The following ARHGAP10 variants were observed in gnomAD, a reference collection of about 807,000 sequenced individuals.
The protein encoded by ARHGAP10 is rho GTPase-activating protein 10.
ARHGAP10 carries 87 observed loss-of-function variants against 108.6 expected under a neutral mutation model. That is an observed-to-expected ratio of 0.80 (90% CI 0.67 to 0.96). The LOEUF is 0.96. Among genes scored for constraint, ARHGAP10 ranks in the 40% least tolerant of loss-of-function variants. The pLI is 0.00. For synonymous variants in ARHGAP10, 347 were observed against 341.1 expected, an observed-to-expected ratio of 1.02 and a Z score of -0.19; for missense variants, 939 against 954.5, an observed-to-expected ratio of 0.98 and a Z score of 0.21.
intron 18 of ARHGAP10, among the ~76,000 whole-genome samples, chr4:148,016,331 T>C (rs1377494755): frequency 1.3e-5 from 2 of 152,070 alleles, no homozygotes; most frequent in East Asian, 3.9e-4. Context: ...AAACGGACCC[T>C]GTCTCTACAA....
rs188107274 is a variant in ARHGAP10, at chr4:147,885,517, T to C, written c.1034+3585T>C. Among the ~76,000 whole-genome samples, 488 of 152,318 alleles carry C rather than the reference T, an allele frequency of 3.2e-3. 2 individuals carry two copies. Among genetic ancestry groups the C allele is most frequent in the Non-Finnish European group, 5.3e-3 (363 of 68,026 alleles). ...GGGATTATGGGAGCTACAATTCAAG[T>C]TGAGACTTGGGTGGGGACACAGCCA... On this transcript the variant is annotated intron_variant, in intron 10 of 22. Coordinates refer to ENST00000336498, the MANE Select transcript of ARHGAP10 (RefSeq NM_024605.4).
At chr4:147,862,753 A>G (rs889784622) in intron 5 of ARHGAP10, 5 of 152,378 alleles carry the variant, frequency 3.3e-5, no homozygotes, top group African/African-American at 1.2e-4. Context: ...GATAAAATCA[A>G]ATTGATAAAT....
At chr4:147,894,368 G>T (rs1185953785) in intron 10 of ARHGAP10, among the ~76,000 whole-genome samples, 1 of 152,136 alleles carries the variant, frequency 6.6e-6, no homozygotes, top group African/African-American at 2.4e-5. Flanking sequence ...CTGTCATGAA[G>T]TGTCTATTAA....
At chr4:147,850,552 C>T (rs141195119) in intron 4 of ARHGAP10, among the ~76,000 whole-genome samples, 16 of 152,286 alleles carry the variant, frequency 1.1e-4, no homozygotes, top group Admixed American at 5.2e-4. Flanking sequence ...CAAAGGTCTG[C>T]GGCTTCACTC....
At chr4:147,849,860 G>A (rs1733787853) in intron 4 of ARHGAP10, among the ~76,000 whole-genome samples, 1 of 152,166 alleles carries the variant, frequency 6.6e-6, no homozygotes, top group East Asian at 1.9e-4. Context: ...CATTTTATGG[G>A]TTCTGCTGCA....
intron 13 of ARHGAP10, among the ~76,000 whole-genome samples, chr4:147,928,008 T>G (rs1349777033): frequency 6.6e-6 from 1 of 152,194 alleles, no homozygotes; most frequent in Non-Finnish European, 1.5e-5. Context: ...GCAACAAGTC[T>G]AGGGCATCTG....
chr4:147,953,107 C>T (rs192990778), intron 15 of ARHGAP10, among the ~76,000 whole-genome samples: 291 of 151,436 alleles, frequency 1.9e-3, no homozygotes, highest in Non-Finnish European at 3.2e-3. Context: ...GTATTGTATT[C>T]CTGTGATAAA....
chr4:148,019,183 CAG>C (rs1741464841), intron 18 of ARHGAP10, among the ~76,000 whole-genome samples: 1 of 152,128 alleles, frequency 6.6e-6, no homozygotes, highest in African/African-American at 2.4e-5. Context: ...TAACTTGGCT[CAG>C]AGCACTGAAT....
At chr4:147,937,011 T>C (rs1397408215) in intron 13 of ARHGAP10, among the ~76,000 whole-genome samples, 1 of 152,194 alleles carries the variant, frequency 6.6e-6, no homozygotes, top group African/African-American at 2.4e-5. Context: ...CTAGGTTTTG[T>C]ACTCCTTATG....
At chr4:147,972,185 A>G (rs1304644168) in intron 18 of ARHGAP10, among the ~76,000 whole-genome samples, 4 of 152,176 alleles carry the variant, frequency 2.6e-5, no homozygotes, top group African/African-American at 7.2e-5. Context: ...AACGTAAGGT[A>G]TAGTTAAAGA....
chr4:147,779,002 A>G (rs756021720), intron 1 of ARHGAP10, among the ~76,000 whole-genome samples: 26 of 152,178 alleles, frequency 1.7e-4, no homozygotes, highest in Non-Finnish European at 3.1e-4. Context: ...GGGAATAGCG[A>G]ATATGTGTTT....
chr4:147,865,542 A>T (rs935409348), intron 6 of ARHGAP10: 1 of 152,212 alleles, frequency 6.6e-6, no homozygotes, highest in Non-Finnish European at 1.5e-5. Flanking sequence ...ATGAATGTAT[A>T]TATCATAATG....
intron 10 of ARHGAP10, among the ~76,000 whole-genome samples, chr4:147,886,120 A>G (rs1735543391): frequency 1.3e-5 from 2 of 152,350 alleles, no homozygotes; most frequent in Non-Finnish European, 2.9e-5. Context: ...TTTGGTTTCC[A>G]TTCCCAAGAT....
At chr4:147,959,143 T>G (rs553496596) in intron 16 of ARHGAP10, among the ~76,000 whole-genome samples, 30 of 152,278 alleles carry the variant, frequency 2.0e-4, no homozygotes, top group Middle Eastern at 3.4e-3. Flanking sequence ...ATGTTGTAGC[T>G]ACATAGAAAT....
At chr4:147,881,021 C>T (rs1396762958) in intron 9 of ARHGAP10, among the ~76,000 whole-genome samples, 1 of 152,178 alleles carries the variant, frequency 6.6e-6, no homozygotes, top group Non-Finnish European at 1.5e-5. Flanking sequence ...CGCCTGTAAT[C>T]CCAGCACTTT....
intron 4 of ARHGAP10, among the ~76,000 whole-genome samples, chr4:147,851,971 C>T (rs1242018735): frequency 1.3e-5 from 2 of 152,114 alleles, no homozygotes; most frequent in Non-Finnish European, 2.9e-5. Context: ...TGACTTAAGG[C>T]CTCTAAGTCT....
intron 1 of ARHGAP10, among the ~76,000 whole-genome samples, chr4:147,763,900 G>A (rs773183192): frequency 1.3e-5 from 2 of 151,916 alleles, no homozygotes; most frequent in Non-Finnish European, 2.9e-5. Flanking sequence ...GATTACAGGC[G>A]TACGCCGCCA....
chr4:147,936,039 C>T (rs1293437330), intron 13 of ARHGAP10, among the ~76,000 whole-genome samples: 1 of 152,174 alleles, frequency 6.6e-6, no homozygotes, highest in African/African-American at 2.4e-5. Context: ...GCCGTTTTCA[C>T]AGAGGCATGT....
At chr4:147,918,534 TTTTAC>T (rs1281001925) in intron 13 of ARHGAP10, among the ~76,000 whole-genome samples, 2 of 152,234 alleles carry the variant, frequency 1.3e-5, no homozygotes, top group Non-Finnish European at 2.9e-5. Context: ...ACTTGGTTCC[TTTTAC>T]TTTATTTAGT....
Sources: gnomAD v4.1 joint callset for allele counts (sites outside exome capture counted in the v4.1 genomes callset) on GRCh38, gnomAD v4.1.1 for gene constraint, MANE v1.5 for transcripts, NCBI Gene and HGNC (gene_info 2026-07-23, HGNC 2026-07-21) for gene names.